Variants in PDE10A observed in about 807,000 individuals in gnomAD.
The protein encoded by PDE10A is phosphodiesterase 10A, also known as cAMP and cAMP-inhibited cGMP 3',5'-cyclic phosphodiesterase 10A.
PDE10A carries 39 observed loss-of-function variants against 97.7 expected under a neutral mutation model. The ratio of observed to expected loss-of-function variants is 0.40; its 90% CI spans 0.31 to 0.52. The LOEUF (loss-of-function observed/expected upper bound fraction) is 0.52, where lower values mean the gene tolerates loss of function less well. PDE10A is among the 20% of genes least tolerant of loss of function. The pLI is 0.56. For synonymous variants in PDE10A, 371 were observed against 376.8 expected (o/e 0.98, Z 0.18); for missense variants, 731 against 1,047.8 (o/e 0.70, Z 4.17).
intron 11 of PDE10A, among the ~76,000 whole-genome samples, chr6:165,417,577 G>A (rs1788407771): frequency 6.6e-6 from 1 of 152,122 alleles, no homozygotes; most frequent in Non-Finnish European, 1.5e-5. Context: ...TTCAGCAAGA[G>A]AAATGACTTA....
At chr6:165,745,100 T>C (rs1472631872) in intron 1 of PDE10A, among the ~76,000 whole-genome samples, 2 of 152,242 alleles carry the variant, frequency 1.3e-5, no homozygotes, top group African/African-American at 4.8e-5. Flanking sequence ...TTTACTTAGA[T>C]ACTAGCAAAT....
At chr6:165,648,918 T>C (rs1789541923) in intron 1 of PDE10A, among the ~76,000 whole-genome samples, 1 of 152,196 alleles carries the variant, frequency 6.6e-6, no homozygotes, top group Admixed American at 6.5e-5. Flanking sequence ...GAAAGGACCG[T>C]GCAGCCACCT....
intron 3 of PDE10A, among the ~76,000 whole-genome samples, chr6:165,469,957 T>C (rs1019803767): frequency 6.6e-6 from 1 of 152,204 alleles, no homozygotes; most frequent in Non-Finnish European, 1.5e-5. Context: ...CACTCCTCCT[T>C]GTGCTTTCCG....
chr6:165,678,283 C>T (rs1240554807), intron 1 of PDE10A, among the ~76,000 whole-genome samples: 7 of 139,846 alleles, frequency 5.0e-5, no homozygotes, highest in African/African-American at 1.9e-4. Context: ...GTGTGTGTGT[C>T]TCTGTGTGTG....
chr6:165,398,932 G>T (rs1348520152), intron 13 of PDE10A, among the ~76,000 whole-genome samples: 3 of 152,092 alleles, frequency 2.0e-5, no homozygotes, highest in African/African-American at 7.2e-5. Flanking sequence ...CTGCTTACAA[G>T]AATTCTACTC....
intron 8 of PDE10A, 87 bp from the exon 9 acceptor site, chr6:165,430,432 T>G (rs1277921821): frequency 9.0e-6 from 7 of 777,746 alleles, no homozygotes; most frequent in African/African-American, 3.5e-5. Context: ...CCTTATTTAT[T>G]GAAAGAAGGC....
At chr6:165,405,105 A>G (rs1418553823) in intron 13 of PDE10A, among the ~76,000 whole-genome samples, 2 of 152,056 alleles carry the variant, frequency 1.3e-5, no homozygotes, top group Non-Finnish European at 2.9e-5. Context: ...ATGTGTGTGT[A>G]TTATGTTCCT....
intron 3 of PDE10A, among the ~76,000 whole-genome samples, chr6:165,464,829 T>A (rs1224997140): frequency 1.3e-5 from 2 of 152,228 alleles, no homozygotes; most frequent in Non-Finnish European, 2.9e-5. Flanking sequence ...ACTATGTGTT[T>A]CAGTAGTGTG....
At chr6:165,591,102 T>C (rs1786236483) in intron 1 of PDE10A, among the ~76,000 whole-genome samples, 1 of 152,120 alleles carries the variant, frequency 6.6e-6, no homozygotes, top group South Asian at 2.1e-4. Context: ...GAGGTATTTT[T>C]ATTGGGAAAA....
At chr6:165,333,222 G>T in intron 21 of PDE10A, 95 bp from the exon 22 acceptor site, 1 of 778,718 alleles carries the variant, frequency 1.3e-6, no homozygotes. Context: ...GCACAGCTCT[G>T]CACAACGGCA....
At chr6:165,571,420 A>G (rs914168441) in intron 1 of PDE10A, among the ~76,000 whole-genome samples, 11 of 152,224 alleles carry the variant, frequency 7.2e-5, no homozygotes, top group African/African-American at 2.2e-4. Context: ...GGCATCATCA[A>G]TGAGATACTC....
Position 165,375,253 on chromosome 6 carries a change from T to C in PDE10A, c.2783+3941A>G, listed in dbSNP as rs1041549896. 1.2e-4 allele frequency among the ~76,000 whole-genome samples: 18 copies of C among 152,222 alleles called. 1 individual carries two copies. The highest frequency in any genetic ancestry group is 4.1e-4 in the African/African-American group (17 of 41,466). ...TGAGATAGGCTGAAAGCAAGGACTCTTGGGCCAAACAGCCAAGTTGTGAAT... is the reference window on the plus strand; with the variant it reads ...TGAGATAGGCTGAAAGCAAGGACTCCTGGGCCAAACAGCCAAGTTGTGAAT... On this transcript the variant is annotated intron_variant, in intron 18 of 21. Transcript: ENST00000539869.
chr6:165,370,650 G>C, intron 18 of PDE10A, among the ~76,000 whole-genome samples: 1 of 147,718 alleles, frequency 6.8e-6, no homozygotes. Flanking sequence ...ACACCCCACT[G>C]TCAACATTAG....
chr6:165,849,744 G>T (rs898792406), intron 1 of PDE10A, among the ~76,000 whole-genome samples: 2 of 152,098 alleles, frequency 1.3e-5, no homozygotes, highest in Admixed American at 6.5e-5. Flanking sequence ...TCAAGCTAGC[G>T]GTGGCCAGAT....
intron 1 of PDE10A, among the ~76,000 whole-genome samples, chr6:165,657,858 G>A (rs946168573): frequency 4.6e-5 from 7 of 152,178 alleles, no homozygotes; most frequent in African/African-American, 1.7e-4. Flanking sequence ...CTTCCACGGA[G>A]GACTGTGACA....
chr6:165,823,485 T>C (rs1338730611), intron 1 of PDE10A, among the ~76,000 whole-genome samples: 52 of 33,630 alleles, frequency 1.5e-3, no homozygotes, highest in African/African-American at 4.9e-3. Context: ...GTTAACTTTA[T>C]ATATATATAT....
intron 1 of PDE10A, among the ~76,000 whole-genome samples, chr6:165,718,538 CAT>C (rs1479980825): frequency 6.6e-6 from 1 of 152,134 alleles, no homozygotes; most frequent in Non-Finnish European, 1.5e-5. Flanking sequence ...TGAGAATCAA[CAT>C]ATCTGACTGT....
intron 17 of PDE10A, among the ~76,000 whole-genome samples, chr6:165,386,671 A>C (rs59352376): frequency 6.6e-6 from 1 of 152,006 alleles, no homozygotes; most frequent in South Asian, 2.1e-4. Flanking sequence ...ATATATGTAC[A>C]CATACATATA....
intron 18 of PDE10A, among the ~76,000 whole-genome samples, chr6:165,354,918 T>C (rs529582248): frequency 6.6e-6 from 1 of 152,100 alleles, no homozygotes; most frequent in Non-Finnish European, 1.5e-5. Flanking sequence ...CTTACATAAT[T>C]AGCCATCACA....
Sources: gnomAD v4.1 joint callset for allele counts (sites outside exome capture counted in the v4.1 genomes callset) on GRCh38, gnomAD v4.1.1 for gene constraint, MANE v1.5 for transcripts, NCBI Gene and HGNC (gene_info 2026-07-23, HGNC 2026-07-21) for gene names.